Variants in LRCH1 observed in about 807,000 individuals in gnomAD.
LRCH1 encodes leucine rich repeats and calponin homology domain containing 1, also known as leucine-rich repeat and calponin homology domain-containing protein 1.
A neutral mutation model predicts 94.9 loss-of-function variants in LRCH1; 23 were observed. The observed-to-expected ratio is 0.24, with a 90% CI of 0.17 to 0.34. LRCH1 has a LOEUF of 0.34. Among genes scored for constraint, LRCH1 ranks in the 10% least tolerant of loss-of-function variants. The pLI, the probability that LRCH1 is intolerant of heterozygous loss-of-function variation, is 1.00. For synonymous variants in LRCH1, 364 were observed against 354.9 expected (o/e 1.03, Z -0.29); for missense variants, 790 against 945.9 (o/e 0.84, Z 2.16).
intron 1 of LRCH1, among the ~76,000 whole-genome samples, chr13:46,630,639 G>A (rs1282503013): frequency 6.6e-6 from 1 of 152,166 alleles, no homozygotes; most frequent in East Asian, 1.9e-4. Flanking sequence ...TTAAGACACT[G>A]GGACTGGGAA....
intron 13 of LRCH1, among the ~76,000 whole-genome samples, chr13:46,710,983 G>A (rs17282089): frequency 0.12 from 18,767 of 151,882 alleles, 1,195 homozygotes; most frequent in South Asian, 0.22. Context: ...TGTCTCTGTG[G>A]ACCATCTGGC....
Position 46,744,717 on chromosome 13 carries a change from T to C in LRCH1, c.*2869T>C. On this transcript the variant is annotated 3_prime_UTR_variant, in exon 20 of 20. Transcript: ENST00000389797. ...TGATTGAGTCATAAGGACAAAAGGG[T>C]GTTTTGCCTTTGCCTGTGGGGAAAA... is the stretch of plus-strand genomic sequence containing the variant. 1.0e-6 allele frequency: 1 copy of C among 985,370 alleles called. No individual in the cohort carries two copies. The highest frequency in any genetic ancestry group is 1.2e-6 in the Non-Finnish European group (1 of 829,918). 61.0% of individuals were successfully genotyped at this position (985,370 alleles called of 1,614,324 possible).
intron 4 of LRCH1, among the ~76,000 whole-genome samples, chr13:46,685,175 G>A (rs997851365): frequency 5.9e-5 from 9 of 152,150 alleles, no homozygotes; most frequent in African/African-American, 2.2e-4. Context: ...TGTCTGGCGT[G>A]GCCCAGCCTC....
At chr13:46,594,048 C>T (rs895941362) in intron 1 of LRCH1, among the ~76,000 whole-genome samples, 9 of 151,878 alleles carry the variant, frequency 5.9e-5, no homozygotes. Context: ...GGATAGATAC[C>T]AGGTTCCCTG....
chr13:46,717,828 A>G (rs565571655), intron 16 of LRCH1: 2 of 152,082 alleles, frequency 1.3e-5, no homozygotes, highest in East Asian at 1.9e-4. Context: ...TCTTATTCCC[A>G]TTCTATCTCA....
At chr13:46,621,503 T>C (rs1318873949) in intron 1 of LRCH1, among the ~76,000 whole-genome samples, 1 of 152,162 alleles carries the variant, frequency 6.6e-6, no homozygotes, top group Non-Finnish European at 1.5e-5. Flanking sequence ...CTTTCATTTG[T>C]ATCTTAATGG....
At chr13:46,733,357 C>T (rs1307412043) in intron 18 of LRCH1, among the ~76,000 whole-genome samples, 2 of 152,096 alleles carry the variant, frequency 1.3e-5, no homozygotes, top group Non-Finnish European at 2.9e-5. Context: ...TGCTGTTTAC[C>T]ATGATATTGC....
In LRCH1 at chr13:46,743,355, T is replaced by G. The variant is rs1032293753; in HGVS notation, c.*1507T>G. ...TTGCTAACAGGAAGCATTCTTTACA[T>G]GACAGTATCTTGAGTTATGTGAGTT... On this transcript the variant is annotated 3_prime_UTR_variant, in exon 20 of 20. Transcript: ENST00000389797. The G allele has an allele frequency of 1.8e-5, 18 of 985,786 alleles. No homozygotes were observed. Among genetic ancestry groups the G allele is most frequent in the Non-Finnish European group, 2.0e-5 (17 of 829,944 alleles). The allele number at this position is 985,786 out of a possible 1,614,324, so 61.1% of individuals were successfully genotyped here.
chr13:46,558,665 G>T (rs2050096082), intron 1 of LRCH1, among the ~76,000 whole-genome samples: 1 of 150,066 alleles, frequency 6.7e-6, no homozygotes, highest in South Asian at 2.1e-4. Flanking sequence ...CCTGGGAGGT[G>T]AAGGTTGTAG....
intron 1 of LRCH1, among the ~76,000 whole-genome samples, chr13:46,628,889 T>G (rs2050984758): frequency 6.6e-6 from 1 of 152,186 alleles, no homozygotes; most frequent in Non-Finnish European, 1.5e-5. Context: ...AAATTCGCAG[T>G]ATAGAAACAT....
At chr13:46,586,899 C>T (rs755146786) in intron 1 of LRCH1, among the ~76,000 whole-genome samples, 2 of 152,158 alleles carry the variant, frequency 1.3e-5, no homozygotes, top group South Asian at 2.1e-4. Context: ...TGCACAGATG[C>T]GGTTCATTTC....
At chr13:46,706,600 T>G (rs1453534755) in intron 13 of LRCH1, among the ~76,000 whole-genome samples, 1 of 152,198 alleles carries the variant, frequency 6.6e-6, no homozygotes, top group Non-Finnish European at 1.5e-5. Context: ...TTAATTTTAT[T>G]TTTTGAGAGA....
At chr13:46,584,966 C>T (rs2050414168) in intron 1 of LRCH1, among the ~76,000 whole-genome samples, 1 of 57,792 alleles carries the variant, frequency 1.7e-5, no homozygotes, top group South Asian at 5.7e-4. Flanking sequence ...TCTCAAACTA[C>T]TTTCATACAA....
intron 16 of LRCH1, 38 bp from the exon 17 acceptor site, chr13:46,723,183 G>A (rs779471907): frequency 8.7e-7 from 1 of 1,149,298 alleles, no homozygotes; most frequent in Non-Finnish European, 1.3e-6. Flanking sequence ...ATGTGACAAG[G>A]CACTATATAA....
At chr13:46,692,328 C>T (rs547350051) in intron 7 of LRCH1, among the ~76,000 whole-genome samples, 1 of 152,296 alleles carries the variant, frequency 6.6e-6, no homozygotes, top group Non-Finnish European at 1.5e-5. Context: ...ACCCCGACCC[C>T]AAGAATAACC....
At chr13:46,573,153 T>G (rs2050259400) in intron 1 of LRCH1, among the ~76,000 whole-genome samples, 1 of 152,236 alleles carries the variant, frequency 6.6e-6, no homozygotes, top group Non-Finnish European at 1.5e-5. Context: ...TTATTGTCAC[T>G]CTCTCTTTCC....
At chr13:46,750,504 A>G in intron 18 of LRCH1, 3 of 1,386,396 alleles carry the variant, frequency 2.2e-6, no homozygotes, top group Non-Finnish European at 3.0e-6. Context: ...GAGTACAATC[A>G]TCTAAAAATT....
In LRCH1 at chr13:46,608,024, C is replaced by A. The variant is rs371158634; in HGVS notation, c.308-42177C>A. ...CCAGAGTTTACCGGTGATGAATCAC[C>A]TTCTGATCAAAGCAGGAGGCTGGGA... On this transcript the variant is annotated intron_variant, in intron 1 of 19. Coordinates refer to ENST00000389797, the MANE Select transcript of LRCH1 (RefSeq NM_001164211.2). Among the ~76,000 whole-genome samples the A allele has an allele frequency of 3.1e-3, 473 of 152,290 alleles. 3 individuals are homozygous for A. Among genetic ancestry groups the A allele is most frequent in the South Asian group, 0.02 (95 of 4,824 alleles).
chr13:46,709,563 C>G (rs1024422150), intron 13 of LRCH1, among the ~76,000 whole-genome samples: 3 of 152,120 alleles, frequency 2.0e-5, no homozygotes, highest in African/African-American at 7.2e-5. Context: ...CTTAAAATGT[C>G]TTTGAGCTTT....
Sources: gnomAD v4.1 joint callset for allele counts (sites outside exome capture counted in the v4.1 genomes callset) on GRCh38, gnomAD v4.1.1 for gene constraint, MANE v1.5 for transcripts, NCBI Gene and HGNC (gene_info 2026-07-23, HGNC 2026-07-21) for gene names.